USP32: variants seen among roughly 807,000 people sequenced by gnomAD.
USP32 encodes the protein ubiquitin carboxyl-terminal hydrolase 32.
In USP32, 59 loss-of-function variants were observed where a neutral mutation model predicts 204.8. That is an observed-to-expected ratio of 0.29 (90% CI 0.23 to 0.36). The LOEUF (loss-of-function observed/expected upper bound fraction) is 0.36. USP32 is among the 10% of genes least tolerant of loss of function. USP32 has a pLI of 1.00. For synonymous variants in USP32, 517 were observed against 678.4 expected (o/e 0.76, Z 3.70); for missense variants, 1,160 against 1,946.4 (o/e 0.60, Z 7.60).
chr17:60,226,317 A>G (rs2085387081), intron 12 of USP32, 86 bp from the exon 13 acceptor site: 2 of 1,272,630 alleles, frequency 1.6e-6, no homozygotes, highest in East Asian at 2.8e-5. Context: ...ACAATTATCT[A>G]TTTTTTTAAG....
chr17:60,277,399 A>G (rs978434674), intron 5 of USP32, among the ~76,000 whole-genome samples: 1 of 152,220 alleles, frequency 6.6e-6, no homozygotes, highest in Non-Finnish European at 1.5e-5. Flanking sequence ...CTCAGGAGCA[A>G]TGACCTTCTG....
upstream of USP32, chr17:60,392,211 T>A: frequency 2.9e-6 from 1 of 341,642 alleles, no homozygotes; most frequent in Non-Finnish European, 5.4e-6. Context: ...TCTCCTTCCC[T>A]CCTCACGCCC....
intron 1 of USP32, among the ~76,000 whole-genome samples, chr17:60,379,132 A>G (rs1337979854): frequency 6.6e-6 from 1 of 152,306 alleles, no homozygotes; most frequent in South Asian, 2.1e-4. Context: ...AGTCAAAATC[A>G]TAATTTAGTA....
chr17:60,394,817 C>T (rs1259613994), upstream of USP32, among the ~76,000 whole-genome samples: 1 of 152,076 alleles, frequency 6.6e-6, no homozygotes. Flanking sequence ...AATCTCGGTT[C>T]ACTGCAGCCT....
At chr17:60,292,362 T>C (rs1038342195) in intron 4 of USP32, among the ~76,000 whole-genome samples, 3 of 152,306 alleles carry the variant, frequency 2.0e-5, no homozygotes, top group African/African-American at 4.8e-5. Flanking sequence ...AACAGATTTA[T>C]ATATCAAAAA....
intron 5 of USP32, among the ~76,000 whole-genome samples, chr17:60,278,710 A>G (rs1226970041): frequency 1.3e-5 from 2 of 152,246 alleles, no homozygotes; most frequent in East Asian, 1.9e-4. Context: ...AAAAGTATAA[A>G]GATAACAGTT....
chr17:60,249,623 G>A, intron 11 of USP32: 1 of 655,224 alleles, frequency 1.5e-6, no homozygotes, highest in Admixed American at 2.3e-5. Context: ...ATGCAGACTT[G>A]CTGGATGGGA....
At chr17:60,240,842 G>A (rs976170461) in intron 11 of USP32, among the ~76,000 whole-genome samples, 2 of 152,092 alleles carry the variant, frequency 1.3e-5, no homozygotes, top group Non-Finnish European at 2.9e-5. Flanking sequence ...TTTACCCCAG[G>A]TGACTGCAGG....
chr17:60,193,508 C>G (rs2084437619), intron 27 of USP32, among the ~76,000 whole-genome samples: 1 of 152,184 alleles, frequency 6.6e-6, no homozygotes. Context: ...TTTACTCATC[C>G]TTGCCCTAAC....
intron 2 of USP32, among the ~76,000 whole-genome samples, chr17:60,327,414 G>A (rs1248432189): frequency 6.6e-5 from 10 of 151,964 alleles, no homozygotes; most frequent in Non-Finnish European, 1.2e-4. Context: ...TTGGTGGGGG[G>A]CGGGGGGGAG....
intron 2 of USP32, among the ~76,000 whole-genome samples, chr17:60,313,180 G>A (rs1218476069): frequency 1.4e-5 from 2 of 146,128 alleles, no homozygotes; most frequent in Non-Finnish European, 2.9e-5. Context: ...GAACCTGGGA[G>A]GCAGAGGTTG....
At chr17:60,314,794 T>C (rs1487518896) in intron 2 of USP32, among the ~76,000 whole-genome samples, 2 of 152,108 alleles carry the variant, frequency 1.3e-5, no homozygotes, top group African/African-American at 2.4e-5. Flanking sequence ...AATACATTCC[T>C]GAAAAATAGT....
At chr17:60,302,502 T>C (rs1439772996) in intron 2 of USP32, among the ~76,000 whole-genome samples, 4 of 152,206 alleles carry the variant, frequency 2.6e-5, no homozygotes, top group Non-Finnish European at 5.9e-5. Context: ...GTTAGGTGTA[T>C]GAAATGCCTT....
chr17:60,367,852 C>T (rs1172020376), intron 1 of USP32, among the ~76,000 whole-genome samples: 1 of 152,016 alleles, frequency 6.6e-6, no homozygotes, highest in Non-Finnish European at 1.5e-5. Flanking sequence ...TGGATGGCTA[C>T]CTCTGTACCA....
At position 60,269,708 on chromosome 17, in the gene USP32, T is replaced by C. The variant is rs998192566; in HGVS notation, c.704-151A>G. 49 of 557,202 alleles carry C rather than the reference T, an allele frequency of 8.8e-5. No homozygotes were observed. In the East Asian group the frequency reaches 1.5e-3, roughly 17 times the overall value. 34.5% of individuals were successfully genotyped at this position (557,202 alleles called of 1,614,324 possible). A position where few individuals can be genotyped will look rare whatever the true frequency, so the allele number is the denominator to read the frequency against. On this transcript the variant is annotated intron_variant, in intron 6 of 33. Coordinates refer to ENST00000300896, the MANE Select transcript of USP32 (RefSeq NM_032582.4). The stretch of plus-strand genomic sequence containing the variant: ...AGTTCCTAATGTTTCAGGAAGTACC[T>C]CTTTCCTCTTGGTATAATTATAATT...
chr17:60,234,528 C>T lies in USP32; in HGVS notation c.1239+1610G>A, dbSNP rs371138189. Reference sequence around the variant, plus strand: ...AGATCACGAGGTCAGGAGATTGAGACCATCCTGGCTAACACAGTGAAGCCC... The same window carrying T: ...AGATCACGAGGTCAGGAGATTGAGATCATCCTGGCTAACACAGTGAAGCCC... On this transcript the variant is annotated intron_variant, in intron 12 of 33. Coordinates refer to ENST00000300896, the MANE Select transcript of USP32 (RefSeq NM_032582.4). Among the ~76,000 whole-genome samples, 625 of 151,236 alleles carry T rather than the reference C, an allele frequency of 4.1e-3. 8 individuals are homozygous for T. Among genetic ancestry groups the T allele is most frequent in the South Asian group, 0.015 (74 of 4,792 alleles).
chr17:60,293,325 GAA>G (rs1386285058), intron 4 of USP32, among the ~76,000 whole-genome samples: 2 of 152,060 alleles, frequency 1.3e-5, no homozygotes, highest in Non-Finnish European at 2.9e-5. Context: ...TCCTGAAAAA[GAA>G]AAGAGTATTA....
chr17:60,381,735 T>A (rs2089650937), intron 1 of USP32, among the ~76,000 whole-genome samples: 1 of 152,182 alleles, frequency 6.6e-6, no homozygotes, highest in South Asian at 2.1e-4. Flanking sequence ...CCCCCTCTTA[T>A]CTCTCCTATT....
chr17:60,316,381 T>C (rs1287052828), intron 2 of USP32, among the ~76,000 whole-genome samples: 1 of 152,042 alleles, frequency 6.6e-6, no homozygotes, highest in Non-Finnish European at 1.5e-5. Context: ...AAATCAGGTA[T>C]AGGGAGTTTT....
Sources: allele counts gnomAD v4.1 joint callset (sites outside exome capture counted in the v4.1 genomes callset), GRCh38; gene constraint gnomAD v4.1.1; transcripts MANE v1.5; gene names NCBI Gene and HGNC (gene_info 2026-07-23, HGNC 2026-07-21).